PEX14: variants seen among roughly 807,000 people sequenced by gnomAD.
The protein encoded by PEX14 is peroxisomal biogenesis factor 14, also known as peroxisomal membrane protein PEX14.
PEX14 carries 15 observed loss-of-function variants against 49.5 expected under a neutral mutation model. The ratio of observed to expected loss-of-function variants is 0.30; its 90% confidence interval spans 0.20 to 0.47. PEX14 has a LOEUF of 0.47. Ranked by LOEUF, PEX14 falls within the 20% of genes least tolerant of loss-of-function variation. The pLI is 1.00. For missense variants in PEX14, 398 were observed against 494.8 expected (o/e 0.80, Z 1.86); for synonymous variants, 210 against 212.7 (o/e 0.99, Z 0.11).
chr1:10,590,825 C>T (rs1640643155), intron 3 of PEX14, among the ~76,000 whole-genome samples: 1 of 152,208 alleles, frequency 6.6e-6, no homozygotes, highest in Non-Finnish European at 1.5e-5. Flanking sequence ...CTTGCAAGAA[C>T]ATCTGATGCC....
In PEX14 at chr1:10,495,395, C is replaced by A; in HGVS notation, c.84+74C>A. ...CGCGAGTGAAAAGAAACCTTCTGTT[C>A]CTATGGTTCTGCGTCAGTAGTGTCC... On this transcript the variant is annotated intron_variant, in intron 2 of 8. Transcript: ENST00000356607. This position sits in a 1 kb window ranked among gnomAD's most constrained non-coding sequence, Gnocchi z 4.2. 1.6e-6 allele frequency: 2 copies of A among 1,226,760 alleles called. No individual in the cohort carries two copies. Among genetic ancestry groups the A allele is most frequent in the Non-Finnish European group, 2.4e-6 (2 of 840,790 alleles). The allele number at this position is 1,226,760 out of a possible 1,614,324, so 76.0% of individuals were successfully genotyped here. A position where few individuals can be genotyped will look rare whatever the true frequency, so the allele number is the denominator to read the frequency against.
Position 10,577,562 on chromosome 1 carries a change from ATTTTTTTT to A in PEX14, c.170-21635_170-21628del, listed in dbSNP as rs1164876121. ...TATATATATATATATATATATATAT[ATTTTTTTT>A]TTTTTTTTTTTTTTTTTTTTTTTTT... On this transcript the variant is annotated intron_variant, in intron 3 of 8. Transcript: ENST00000356607. 8.3e-3 allele frequency among the ~76,000 whole-genome samples: 52 copies of A among 6,234 alleles called. 1 individual carries two copies. Among genetic ancestry groups the A allele is most frequent in the African/African-American group, 0.013 (29 of 2,166 alleles). 4.1% of individuals were successfully genotyped at this position (6,234 alleles called of 152,430 possible). A position where few individuals can be genotyped will look rare whatever the true frequency, so the allele number is the denominator to read the frequency against.
At chr1:10,541,899 A>C (rs1025010825) in intron 3 of PEX14, among the ~76,000 whole-genome samples, 6 of 152,124 alleles carry the variant, frequency 3.9e-5, no homozygotes, top group African/African-American at 1.2e-4. Context: ...GGTTTCCTCC[A>C]CTTCACCCTG....
chr1:10,602,910 C>CT (rs1034330805), intron 4 of PEX14, among the ~76,000 whole-genome samples: 1 of 152,168 alleles, frequency 6.6e-6, no homozygotes, highest in Admixed American at 6.5e-5. Context: ...CATTTCTTGG[C>CT]TTTTTACGGA....
chr1:10,499,612 C>A (rs1641632875), intron 2 of PEX14, among the ~76,000 whole-genome samples: 2 of 151,952 alleles, frequency 1.3e-5, no homozygotes, highest in South Asian at 4.1e-4. Context: ...CCATGCCCAG[C>A]TAATTTTTGT....
chr1:10,545,476 C>A (rs544554468), intron 3 of PEX14, among the ~76,000 whole-genome samples: 121 of 152,208 alleles, frequency 7.9e-4, no homozygotes, highest in African/African-American at 2.8e-3. Flanking sequence ...GCATTTTGAG[C>A]CTGGAGAATA....
chr1:10,578,750 A>G (rs1363462476), intron 3 of PEX14, among the ~76,000 whole-genome samples: 1 of 152,152 alleles, frequency 6.6e-6, no homozygotes, highest in African/African-American at 2.4e-5. Context: ...CCAAATGTAA[A>G]TCTTAGAACT....
rs547838075 is a variant in PEX14 at position 10,510,482 on chromosome 1, T to C, written c.84+15161T>C. 5.9e-5 allele frequency among the ~76,000 whole-genome samples: 9 copies of C among 152,302 alleles called. No homozygotes were observed. In the East Asian group the frequency reaches 1.7e-3, roughly 29 times the overall value. ...GTGTTCCAGCTTATCTACTTTGCTC[T>C]GGCATGGAGAAGGAAAAGTCCCATT... On this transcript the variant is annotated intron_variant, in intron 2 of 8. Coordinates refer to ENST00000356607, the MANE Select transcript of PEX14 (RefSeq NM_004565.3).
chr1:10,476,058 T>G (rs1229694319), intron 1 of PEX14, among the ~76,000 whole-genome samples: 1 of 152,192 alleles, frequency 6.6e-6, no homozygotes, highest in Non-Finnish European at 1.5e-5. Flanking sequence ...GAAAATAGTT[T>G]CAACTTGGGG....
At chr1:10,544,414 A>C (rs1639108247) in intron 3 of PEX14, among the ~76,000 whole-genome samples, 1 of 152,206 alleles carries the variant, frequency 6.6e-6, no homozygotes, top group African/African-American at 2.4e-5. Context: ...GGAAGGACAG[A>C]ACCACAGACA....
chr1:10,580,432 C>T (rs1367064018), intron 3 of PEX14, among the ~76,000 whole-genome samples: 2 of 152,012 alleles, frequency 1.3e-5, no homozygotes, highest in African/African-American at 4.8e-5. Flanking sequence ...ACCATGTTGC[C>T]CAGGCTGGTC....
intron 4 of PEX14, among the ~76,000 whole-genome samples, chr1:10,612,310 A>G (rs1641296671): frequency 6.6e-6 from 1 of 151,712 alleles, no homozygotes; most frequent in Non-Finnish European, 1.5e-5. Flanking sequence ...GCATGGGTCT[A>G]TTTCTGGACT....
At chr1:10,591,676 TGG>T (rs1640672631) in intron 3 of PEX14, among the ~76,000 whole-genome samples, 1 of 150,850 alleles carries the variant, frequency 6.6e-6, no homozygotes, top group South Asian at 2.1e-4. Flanking sequence ...TGTGTGTGTG[TGG>T]ACTTCTCTGT....
intron 5 of PEX14, among the ~76,000 whole-genome samples, chr1:10,619,679 T>G (rs1219860657): frequency 6.6e-6 from 1 of 152,172 alleles, no homozygotes; most frequent in Non-Finnish European, 1.5e-5. Flanking sequence ...TCTTAGCACA[T>G]GAAACATGGT....
intron 3 of PEX14, among the ~76,000 whole-genome samples, chr1:10,564,757 C>G (rs1435180833): frequency 6.6e-6 from 1 of 151,824 alleles, no homozygotes; most frequent in Non-Finnish European, 1.5e-5. Context: ...GTTTAGTTTT[C>G]TAGTAAACTT....
At chr1:10,547,701 T>C (rs941807882) in intron 3 of PEX14, among the ~76,000 whole-genome samples, 1 of 152,254 alleles carries the variant, frequency 6.6e-6, no homozygotes. Context: ...TCCCAAATTA[T>C]CTTATTTTCA....
In PEX14 at chr1:10,539,425, G is replaced by A. The variant is rs1406868548; in HGVS notation, c.169+3128G>A. ...ATTTACAACATTTCTTCCTTTTATC[G>A]GGAATATTTTGGATGAAAGAAAAAA... is the stretch of plus-strand genomic sequence containing the variant. On this transcript the variant is annotated intron_variant, in intron 3 of 8. Coordinates refer to ENST00000356607, the MANE Select transcript of PEX14 (RefSeq NM_004565.3). The surrounding 1 kb of genome is among the most constrained non-coding windows in gnomAD (Gnocchi z 4.6). 2.0e-5 allele frequency among the ~76,000 whole-genome samples: 3 copies of A among 151,926 alleles called. No homozygotes were observed. Among genetic ancestry groups the A allele is most frequent in the Admixed American group, 1.3e-4 (2 of 15,250 alleles).
intron 1 of PEX14, among the ~76,000 whole-genome samples, chr1:10,489,386 C>T (rs1409735542): frequency 1.3e-5 from 2 of 152,136 alleles, no homozygotes; most frequent in Non-Finnish European, 2.9e-5. Flanking sequence ...TTCTTCTGTG[C>T]AGTTTTTTAT....
intron 1 of PEX14, among the ~76,000 whole-genome samples, chr1:10,483,022 T>C (rs1641309133): frequency 6.6e-6 from 1 of 152,214 alleles, no homozygotes; most frequent in Non-Finnish European, 1.5e-5. Context: ...TGTGTCTATC[T>C]GTGTATCATA....
Sources: gnomAD v4.1 joint callset for allele counts (sites outside exome capture counted in the v4.1 genomes callset) on GRCh38, gnomAD v4.1.1 for gene constraint, Gnocchi (gnomAD v3.1) non-coding constraint, MANE v1.5 for transcripts, NCBI Gene and HGNC (gene_info 2026-07-23, HGNC 2026-07-21) for gene names.